TOP1: variants seen among roughly 807,000 people sequenced by gnomAD.
TOP1 encodes DNA topoisomerase I, also known as DNA topoisomerase 1.
In TOP1, 10 loss-of-function variants were observed where a neutral mutation model predicts 111.1. That is an observed-to-expected ratio of 0.09 (90% CI 0.06 to 0.15). The LOEUF (loss-of-function observed/expected upper bound fraction) is 0.15, where lower values mean the gene tolerates loss of function less well. Ranked by LOEUF, TOP1 falls within the 10% of genes least tolerant of loss-of-function variation. The pLI is 1.00. For missense variants in TOP1, 474 were observed against 926.7 expected, an observed-to-expected ratio of 0.51 and a Z score of 6.34; for synonymous variants, 271 against 302.9, an observed-to-expected ratio of 0.89 and a Z score of 1.10.
rs1399999611 is a variant in TOP1 at position 41,030,526 on chromosome 20, TC to T, written c.58+1072del. On this transcript the variant is annotated intron_variant, in intron 2 of 20. Transcript: ENST00000361337. This position sits in a 1 kb window ranked among gnomAD's most constrained non-coding sequence, Gnocchi z 4.1. ...TGTTTTTGAACCCTTTTCAGCCAAA[TC>T]AAGGCATTTATTCTTACTGTATTTC... 1.3e-5 allele frequency among the ~76,000 whole-genome samples: 2 copies of T among 151,840 alleles called. No homozygotes were observed. The highest frequency in any genetic ancestry group is 1.3e-4 in the Admixed American group (2 of 15,256).
Position 41,109,136 on chromosome 20 carries a change from A to G in TOP1, c.1309-3646A>G, listed in dbSNP as rs185034504. On this transcript the variant is annotated intron_variant, in intron 13 of 20. Transcript: ENST00000361337. This position sits in a 1 kb window ranked among gnomAD's most constrained non-coding sequence, Gnocchi z 4.1. ...GGTTCCAAAAATGTATGTGCTTACA[A>G]CCTTTTATATGTAACCACCTAGGGA... is the stretch of plus-strand genomic sequence containing the variant. Among the ~76,000 whole-genome samples the G allele has an allele frequency of 9.8e-5, 15 of 152,300 alleles. No homozygotes were observed. Among genetic ancestry groups the G allele is most frequent in the African/African-American group, 3.4e-4 (14 of 41,560 alleles).
At position 41,082,432 on chromosome 20, in the gene TOP1, T is replaced by G. The variant is rs1191402837; in HGVS notation, c.507+1192T>G. Among the ~76,000 whole-genome samples the G allele has an allele frequency of 6.6e-6, 1 of 152,246 alleles. No homozygotes were observed. Among genetic ancestry groups the G allele is most frequent in the African/African-American group, 2.4e-5 (1 of 41,466 alleles). On this transcript the variant is annotated intron_variant, in intron 7 of 20. Coordinates refer to ENST00000361337, the MANE Select transcript of TOP1 (RefSeq NM_003286.4). This position sits in a 1 kb window ranked among gnomAD's most constrained non-coding sequence, Gnocchi z 4.1. ...TAGAGTATAGAAATATTTAATCATTTGCCTGAGGTCACATAGCTACTAAGG... is the reference window on the plus strand; with the variant it reads ...TAGAGTATAGAAATATTTAATCATTGGCCTGAGGTCACATAGCTACTAAGG...
At position 41,067,407 on chromosome 20, in the gene TOP1, C is replaced by T. The variant is rs1156945452; in HGVS notation, c.155+5917C>T. On this transcript the variant is annotated intron_variant, in intron 3 of 20. Transcript: ENST00000361337. This position sits in a 1 kb window ranked among gnomAD's most constrained non-coding sequence, Gnocchi z 4.0. The stretch of plus-strand genomic sequence containing the variant: ...GTGCTGGGATTACAGGCTTGAGCCA[C>T]CACACCCGGCCTCCAGTAAAATTTT... Among the ~76,000 whole-genome samples, 2 of 152,198 alleles carry T rather than the reference C, an allele frequency of 1.3e-5. No homozygotes were observed. Among genetic ancestry groups the T allele is most frequent in the Non-Finnish European group, 1.5e-5 (1 of 68,038 alleles).
At chr20:41,050,472 A>C (rs1468926973) in intron 2 of TOP1, among the ~76,000 whole-genome samples, 1 of 152,220 alleles carries the variant, frequency 6.6e-6, no homozygotes, top group Non-Finnish European at 1.5e-5. Context: ...GAATTTTGGA[A>C]ATGTTCTCCT....
At chr20:41,038,147 C>A (rs188989724) in intron 2 of TOP1, among the ~76,000 whole-genome samples, 1 of 152,156 alleles carries the variant, frequency 6.6e-6, no homozygotes, top group African/African-American at 2.4e-5. Flanking sequence ...ATACAGAATG[C>A]GAATAGTCTC....
chr20:41,118,019 C>A lies in TOP1; in HGVS notation c.1823-150C>A. ...TTAAGACTGTTGACTCAAATTTTGA[C>A]CTTAGTCCTTGGGGGCAATTTGAAT... is the stretch of plus-strand genomic sequence containing the variant. On this transcript the variant is annotated intron_variant, in intron 17 of 20. Transcript: ENST00000361337. The surrounding 1 kb of genome is among the most constrained non-coding windows in gnomAD (Gnocchi z 4.6). The A allele has an allele frequency of 1.2e-6, 1 of 811,892 alleles. No homozygotes were observed. The highest frequency in any genetic ancestry group is 1.9e-6 in the Non-Finnish European group (1 of 539,072). 50.3% of individuals were successfully genotyped at this position (811,892 alleles called of 1,614,324 possible). A position where few individuals can be genotyped will look rare whatever the true frequency, so the allele number is the denominator to read the frequency against.
rs1161512411 is a variant in TOP1, at chr20:41,109,928, C to T, written c.1309-2854C>T. On this transcript the variant is annotated intron_variant, in intron 13 of 20. Coordinates refer to ENST00000361337, the MANE Select transcript of TOP1 (RefSeq NM_003286.4). This position sits in a 1 kb window ranked among gnomAD's most constrained non-coding sequence, Gnocchi z 4.1. ...CATTATGGTATAGTCATAGAATATA[C>T]TATATTTATCAGCAGTTAAGAAGGG... 1.3e-5 allele frequency among the ~76,000 whole-genome samples: 2 copies of T among 152,162 alleles called. No homozygotes were observed. The highest frequency in any genetic ancestry group is 4.8e-5 in the African/African-American group (2 of 41,418).
intron 8 of TOP1, among the ~76,000 whole-genome samples, chr20:41,087,432 A>G (rs912712574): frequency 1.3e-5 from 2 of 152,268 alleles, no homozygotes; most frequent in African/African-American, 2.4e-5. Flanking sequence ...TTCTTCATAA[A>G]GAATTACCTG....
At chr20:41,103,778 T>C (rs936112861) in intron 13 of TOP1, among the ~76,000 whole-genome samples, 1 of 152,190 alleles carries the variant, frequency 6.6e-6, no homozygotes, top group East Asian at 1.9e-4. Context: ...AAGGCTACTT[T>C]ATTTTCTCTA....
intron 7 of TOP1, 110 bp downstream of exon 7, chr20:41,081,350 C>CAT: frequency 7.7e-7 from 1 of 1,303,950 alleles, no homozygotes. Flanking sequence ...CTTGTTATAA[C>CAT]ATTAGGGAAA....
At chr20:41,048,872 C>T (rs898293368) in intron 2 of TOP1, among the ~76,000 whole-genome samples, 2 of 151,844 alleles carry the variant, frequency 1.3e-5, no homozygotes, top group Non-Finnish European at 2.9e-5. Context: ...AATTTAAGGA[C>T]CATAATGGAA....
At chr20:41,044,980 G>T (rs2122601345) in intron 2 of TOP1, among the ~76,000 whole-genome samples, 1 of 152,188 alleles carries the variant, frequency 6.6e-6, no homozygotes, top group East Asian at 1.9e-4. Flanking sequence ...TAGAGACGGG[G>T]TTTTGCCATG....
intron 2 of TOP1, among the ~76,000 whole-genome samples, chr20:41,037,174 C>A (rs2033199875): frequency 6.6e-6 from 1 of 152,014 alleles, no homozygotes; most frequent in Non-Finnish European, 1.5e-5. Flanking sequence ...GTGGTCATTG[C>A]CAAAGGAACT....
At chr20:41,039,787 A>C (rs2033237767) in intron 2 of TOP1, among the ~76,000 whole-genome samples, 1 of 152,172 alleles carries the variant, frequency 6.6e-6, no homozygotes, top group Non-Finnish European at 1.5e-5. Flanking sequence ...GGGCGCCTGT[A>C]GTCCAGCTAC....
Position 41,092,436 on chromosome 20 carries a change from C to A in TOP1, c.615-36C>A, listed in dbSNP as rs367892175. The A allele has an allele frequency of 1.9e-6, 2 of 1,026,160 alleles. No homozygotes were observed. Among genetic ancestry groups the A allele is most frequent in the African/African-American group, 1.6e-5 (1 of 61,694 alleles). 63.6% of individuals were successfully genotyped at this position (1,026,160 alleles called of 1,614,324 possible). On this transcript the variant is annotated intron_variant, in intron 8 of 20. Coordinates refer to ENST00000361337, the MANE Select transcript of TOP1 (RefSeq NM_003286.4). This position sits in a 1 kb window ranked among gnomAD's most constrained non-coding sequence, Gnocchi z 4.3. The stretch of plus-strand genomic sequence containing the variant: ...GTGATGATCCCCATGTTAGACAAGG[C>A]GATCACTAAATGAGGCTGTGCTTTG...
intron 8 of TOP1, among the ~76,000 whole-genome samples, chr20:41,085,144 G>A (rs1199271924): frequency 2.0e-5 from 3 of 149,556 alleles, no homozygotes; most frequent in Non-Finnish European, 4.4e-5. Flanking sequence ...TTCCTAATAT[G>A]AAAAAAAGCT....
chr20:41,091,552 CTTTTTTTTTTT>C (rs532948716), intron 8 of TOP1, among the ~76,000 whole-genome samples: 1 of 96,212 alleles, frequency 1.0e-5, no homozygotes, highest in African/African-American at 4.2e-5. Context: ...AATTATTAAC[CTTTTTTTTTTT>C]TTTTTTTTTT....
In TOP1 at chr20:41,092,375, A is replaced by T. The variant is rs1415109637; in HGVS notation, c.615-97A>T. 3.5e-6 allele frequency: 2 copies of T among 565,940 alleles called. No homozygotes were observed. The highest frequency in any genetic ancestry group is 6.3e-6 in the Non-Finnish European group (2 of 318,816). 35.1% of individuals were successfully genotyped at this position (565,940 alleles called of 1,614,324 possible). A position where few individuals can be genotyped will look rare whatever the true frequency, so the allele number is the denominator to read the frequency against. On this transcript the variant is annotated intron_variant, in intron 8 of 20. Coordinates refer to ENST00000361337, the MANE Select transcript of TOP1 (RefSeq NM_003286.4). The surrounding 1 kb of genome is among the most constrained non-coding windows in gnomAD (Gnocchi z 4.3). ...GGCCCAGAAGTCATTCCAGAGCACT[A>T]ATCAGTTGAGCGGATAATTATTTGG...
In TOP1 at chr20:41,097,256, T is replaced by C. The variant is rs1373154376; in HGVS notation, c.767T>C (p.Val256Ala). The change falls in exon 10 of 21, where the codon GTA (valine) becomes GCA (alanine). Residue 256 changes from valine to alanine, a missense_variant. Physicochemically the swap from Val to Ala is moderately conservative, Grantham distance 64. Coordinates refer to ENST00000361337, the MANE Select transcript of TOP1 (RefSeq NM_003286.4). The surrounding 1 kb of genome is among the most constrained non-coding windows in gnomAD (Gnocchi z 4.2). Reference protein sequence around the residue: ...VMKLSPKAEEVATFFAKMLDH... With the variant: ...VMKLSPKAEEAATFFAKMLDH... ...AAGCTGAGCCCCAAAGCAGAGGAAG[T>C]AGCTACGTTCTTTGCAAAAATGCTC... 6.2e-7 allele frequency: 1 copy of C among 1,614,084 alleles called. No individual in the cohort carries two copies. The highest frequency in any genetic ancestry group is 1.7e-5 in the Admixed American group (1 of 60,006).
Sources: gnomAD v4.1 joint callset for allele counts (sites outside exome capture counted in the v4.1 genomes callset) on GRCh38, gnomAD v4.1.1 for gene constraint, Gnocchi (gnomAD v3.1) non-coding constraint, MANE v1.5 for transcripts, NCBI Gene and HGNC (gene_info 2026-07-23, HGNC 2026-07-21) for gene names.